The following LRRC56 variants were observed in gnomAD, a reference collection of about 807,000 sequenced individuals.
LRRC56 encodes leucine rich repeat containing 56.
A neutral mutation model predicts 47.8 loss-of-function variants in LRRC56; 41 were observed. The observed-to-expected ratio is 0.86, with a 90% CI of 0.67 to 1.11. The LOEUF is 1.11. LRRC56 is among the 50% of genes most tolerant of loss of function. The probability of loss-of-function intolerance (pLI) is 0.00; values close to 1 mark genes in which losing one functional copy is unlikely to be tolerated. For missense variants in LRRC56, 759 were observed against 704.2 expected, an observed-to-expected ratio of 1.08 and a Z score of -0.88; for synonymous variants, 387 against 311.2, an observed-to-expected ratio of 1.24 and a Z score of -2.56.
chr11:508,450 C>CA, the LRRC56 span, among the ~76,000 whole-genome samples: 69 of 152,372 alleles, frequency 4.5e-4, 2 homozygotes, highest in South Asian at 0.013. Flanking sequence ...TAAGCCACTA[C>CA]ACCCGGCCTG....
At chr11:535,536 T>A (rs911094405), upstream of LRRC56, 1 of 147,568 alleles carries the variant, frequency 6.8e-6, no homozygotes, top group Non-Finnish European at 1.5e-5. Context: ...CGGCTCGGGT[T>A]GCGGGCGCAG....
chr11:547,224 T>A (rs1278425093), intron 6 of LRRC56, among the ~76,000 whole-genome samples: 2 of 151,308 alleles, frequency 1.3e-5, no homozygotes, highest in Admixed American at 1.3e-4. Context: ...AGAGCAAGAC[T>A]CCGTCTCAAA....
upstream of LRRC56, chr11:535,214 AG>A (rs1177315910): frequency 6.7e-6 from 1 of 150,012 alleles, no homozygotes. Context: ...GGCCCCAGGG[AG>A]GAAGGGGCCC....
In LRRC56 at chr11:551,659, C is replaced by T. The variant is rs563638052; in HGVS notation, c.805C>T (p.Arg269Cys). 60 of 1,571,290 alleles carry T rather than the reference C, an allele frequency of 3.8e-5. No homozygotes were observed. The highest frequency in any genetic ancestry group is 4.7e-5 in the South Asian group (4 of 84,924). ...GNGLPPLDCP[R>C]GAPIRRLDPE... ...TTCTGAACCTCGGGCAGACTGTCCC[C>T]GTGGAGCCCCCATCCGGAGACTTGA... The change falls in exon 10 of 14, where the codon CGT becomes TGT. Residue 269 changes from arginine to cysteine, a missense_variant. Transcript: ENST00000270115.
rs374984579 is a variant in LRRC56, at chr11:554,176, C to G, written c.1529C>G (p.Pro510Arg). The change falls in exon 14 of 14, where the codon CCT (proline) becomes CGT (arginine). Residue 510 changes from proline (P) to arginine (R), a missense_variant. Pro to Arg is a moderately radical substitution (Grantham distance 103). Transcript: ENST00000270115. ...CTGGAGGTGGCCTCACGCCTGAGCC[C>G]TCGAGCCCAGGGATGTCCTGGCCCA... is the stretch of plus-strand genomic sequence containing the variant. ...RALEVASRLSPRAQGCPGPKP... is the reference protein window; with the variant it reads ...RALEVASRLSRRAQGCPGPKP... 5 of 1,578,504 alleles carry G rather than the reference C, an allele frequency of 3.2e-6. No homozygotes were observed. The highest frequency in any genetic ancestry group is 2.3e-5 in the East Asian group (1 of 44,228).
In LRRC56 at chr11:550,176, G is replaced by A. The variant is rs758477042; in HGVS notation, c.528G>A (p.Gly176=). Residue 176 remains glycine, a synonymous_variant, in exon 8 of 14, where the codon GGG becomes GGA. Coordinates refer to ENST00000270115, the MANE Select transcript of LRRC56 (RefSeq NM_198075.4). ...DLEGNSVEDL[G]QVRYLQLCPR... ...AGGGCAACAGCGTGGAGGACCTGGG[G>A]CAGGTGCGCTACTTGCAGCTGTGCC... 1.9e-6 allele frequency: 3 copies of A among 1,613,218 alleles called. No individual in the cohort carries two copies. The highest frequency in any genetic ancestry group is 3.3e-5 in the Admixed American group (2 of 60,002).
upstream of LRRC56, chr11:533,152 G>A (rs999044874): frequency 9.2e-6 from 8 of 872,470 alleles, no homozygotes; most frequent in African/African-American, 1.2e-4. Flanking sequence ...CTCCGGCCTG[G>A]CTCAGGGCAG....
rs944176459 is a variant in LRRC56 at position 554,352 on chromosome 11, C to T, written c.*76C>T. On this transcript the variant is annotated 3_prime_UTR_variant, in exon 14 of 14. Transcript: ENST00000270115. ...ATATGTGGTCACAGAGCACAGAATA[C>T]CTGGGCGGGTGTGTTGGGGGGTGGA... 195 of 1,300,322 alleles carry T rather than the reference C, an allele frequency of 1.5e-4. 1 individual carries two copies. In the Admixed American group the frequency reaches 2.5e-3, roughly 17 times the overall value. 80.5% of individuals were successfully genotyped at this position (1,300,322 alleles called of 1,614,324 possible).
the LRRC56 span, among the ~76,000 whole-genome samples, chr11:507,844 A>G: frequency 1.1e-4 from 17 of 151,968 alleles, no homozygotes; most frequent in Admixed American, 7.2e-4. Context: ...GTTTCGTGGG[A>G]CCCCAGCCCG....
the LRRC56 span, among the ~76,000 whole-genome samples, chr11:509,714 ATTT>A: frequency 4.2e-4 from 52 of 125,176 alleles, no homozygotes; most frequent in Admixed American, 9.4e-4. Flanking sequence ...CGCCCGGCTA[ATTT>A]TTTTTTTTTT....
intron 5 of LRRC56, among the ~76,000 whole-genome samples, chr11:543,376 G>C (rs12576773): frequency 6.7e-6 from 1 of 149,206 alleles, no homozygotes; most frequent in African/African-American, 2.5e-5. Flanking sequence ...CACCACGCCC[G>C]AGTAATTTTT....
chr11:531,260 G>T, the LRRC56 span, among the ~76,000 whole-genome samples: 1 of 152,094 alleles, frequency 6.6e-6, no homozygotes, highest in Non-Finnish European at 1.5e-5. Flanking sequence ...GCCAGCCAGC[G>T]GCATGCCCTG....
rs1372012604 is a variant in LRRC56 at position 550,115 on chromosome 11, T to C, written c.467T>C (p.Leu156Pro). Reference protein sequence around the residue: ...SYNNISDLSPLCLLEQLEVLD... With the variant: ...SYNNISDLSPPCLLEQLEVLD... ...AACAACATCTCGGACCTGAGCCCAC[T>C]GTGCCTGCTGGAACAATTGGAGGTG... Residue 156 changes from leucine (L) to proline (P), a missense_variant, in exon 8 of 14, where the codon CTG becomes CCG. Leu to Pro is a moderately conservative substitution (Grantham distance 98). Transcript: ENST00000270115. 3.1e-6 allele frequency: 5 copies of C among 1,613,450 alleles called. No homozygotes were observed. The highest frequency in any genetic ancestry group is 4.2e-6 in the Non-Finnish European group (5 of 1,179,824).
the LRRC56 span, among the ~76,000 whole-genome samples, chr11:517,993 T>C: frequency 6.6e-6 from 1 of 152,096 alleles, no homozygotes; most frequent in Non-Finnish European, 1.5e-5. Flanking sequence ...GTCATCACCA[T>C]TCCCTAATCT....
intron 2 of LRRC56, among the ~76,000 whole-genome samples, chr11:539,167 A>G (rs893082227): frequency 1.7e-4 from 25 of 151,362 alleles, no homozygotes; most frequent in Non-Finnish European, 3.1e-4. Flanking sequence ...TGCAAGCTCC[A>G]CCTCCTGGGT....
the LRRC56 span, among the ~76,000 whole-genome samples, chr11:507,596 G>A: frequency 6.6e-6 from 1 of 152,194 alleles, no homozygotes; most frequent in African/African-American, 2.4e-5. Flanking sequence ...CGCCTTGGGG[G>A]CGGAATCGCA....
the LRRC56 span, among the ~76,000 whole-genome samples, chr11:515,625 G>A: frequency 1.3e-5 from 2 of 152,114 alleles, no homozygotes; most frequent in African/African-American, 4.8e-5. Flanking sequence ...ATCACCAGAG[G>A]TCAGGAGTTT....
At chr11:548,769 T>C (rs1852214982) in intron 6 of LRRC56, among the ~76,000 whole-genome samples, 2 of 152,162 alleles carry the variant, frequency 1.3e-5, no homozygotes, top group South Asian at 2.1e-4. Context: ...CAAGTGGTTT[T>C]TTAAGGACAG....
chr11:531,091 G>A, the LRRC56 span, among the ~76,000 whole-genome samples: 1 of 119,904 alleles, frequency 8.3e-6, no homozygotes, highest in African/African-American at 3.4e-5. Flanking sequence ...AGAGAAGGGC[G>A]AGTGTGGCGT....
Sources: gnomAD v4.1 joint callset for allele counts (sites outside exome capture counted in the v4.1 genomes callset) on GRCh38, gnomAD v4.1.1 for gene constraint, MANE v1.5 for transcripts, NCBI Gene and HGNC (gene_info 2026-07-23, HGNC 2026-07-21) for gene names.